The following CFAP299 variants were observed in gnomAD, a reference collection of about 807,000 sequenced individuals.
CFAP299 encodes cilia- and flagella-associated protein 299.
CFAP299 carries 21 observed loss-of-function variants against 27.0 expected under a neutral mutation model. The observed-to-expected ratio is 0.78, with a 90% CI of 0.55 to 1.12. CFAP299 has a LOEUF of 1.12. Among genes scored for constraint, CFAP299 ranks in the 50% most tolerant of loss-of-function variants. The pLI is 0.00. For missense variants in CFAP299, 310 were observed against 276.6 expected, an observed-to-expected ratio of 1.12 and a Z score of -0.86; for synonymous variants, 104 against 98.1, an observed-to-expected ratio of 1.06 and a Z score of -0.36.
intron 3 of CFAP299, among the ~76,000 whole-genome samples, chr4:80,631,719 TTAATC>T (rs777313268): frequency 6.6e-6 from 1 of 152,182 alleles, no homozygotes; most frequent in East Asian, 1.9e-4. Context: ...CTTTTTCTTT[TTAATC>T]TATGTCATCA....
intron 5 of CFAP299, among the ~76,000 whole-genome samples, chr4:80,950,801 A>C (rs1560490138): frequency 1.3e-5 from 2 of 152,180 alleles, no homozygotes; most frequent in African/African-American, 4.8e-5. Context: ...GGTACTTTTC[A>C]AAAATACCCT....
At chr4:80,503,635 A>G (rs1405359008) in intron 2 of CFAP299, among the ~76,000 whole-genome samples, 1 of 152,100 alleles carries the variant, frequency 6.6e-6, no homozygotes, top group Non-Finnish European at 1.5e-5. Flanking sequence ...TAAGGGTCAA[A>G]AGGCCTAGAA....
At chr4:80,427,986 G>A (rs1005341510) in intron 2 of CFAP299, among the ~76,000 whole-genome samples, 4 of 152,086 alleles carry the variant, frequency 2.6e-5, no homozygotes, top group Non-Finnish European at 4.4e-5. Flanking sequence ...GAACCATTGG[G>A]CGATTGTAAG....
intron 2 of CFAP299, among the ~76,000 whole-genome samples, chr4:80,413,206 T>C (rs913518983): frequency 6.6e-6 from 1 of 152,198 alleles, no homozygotes; most frequent in Non-Finnish European, 1.5e-5. Context: ...GCACAGCAAG[T>C]ACAGATCAAA....
intron 4 of CFAP299, among the ~76,000 whole-genome samples, chr4:80,884,797 A>G (rs781619938): frequency 1.4e-4 from 21 of 152,152 alleles, no homozygotes; most frequent in Non-Finnish European, 2.5e-4. Context: ...AGAACCCTGC[A>G]TCATTCATCA....
At chr4:80,407,289 T>G (rs529326942) in intron 2 of CFAP299, among the ~76,000 whole-genome samples, 8 of 152,322 alleles carry the variant, frequency 5.3e-5, no homozygotes, top group Non-Finnish European at 1.0e-4. Flanking sequence ...CCCAAAACTC[T>G]GTGGCTTAAA....
intron 2 of CFAP299, among the ~76,000 whole-genome samples, chr4:80,482,125 G>GAA (rs1192563816): frequency 6.6e-5 from 10 of 151,708 alleles, no homozygotes; most frequent in Non-Finnish European, 8.8e-5. Flanking sequence ...TTCTATCTGG[G>GAA]AATATAGAAT....
At chr4:80,957,956 AAT>A (rs1738149687) in intron 5 of CFAP299, among the ~76,000 whole-genome samples, 1 of 152,130 alleles carries the variant, frequency 6.6e-6, no homozygotes, top group African/African-American at 2.4e-5. Context: ...TTGCATTGTA[AAT>A]TCTAAGGCTA....
intron 3 of CFAP299, among the ~76,000 whole-genome samples, chr4:80,713,510 A>G (rs1478176032): frequency 1.3e-5 from 2 of 152,248 alleles, no homozygotes; most frequent in East Asian, 1.9e-4. Flanking sequence ...GACATCACCA[A>G]TAGCAACAAC....
intron 3 of CFAP299, among the ~76,000 whole-genome samples, chr4:80,674,373 G>C (rs1257906360): frequency 6.6e-6 from 1 of 152,138 alleles, no homozygotes; most frequent in East Asian, 1.9e-4. Context: ...GGCTTATAGA[G>C]TTTCTCCCAA....
At chr4:80,330,144 GTC>G in the CFAP299 span, among the ~76,000 whole-genome samples, 5 of 152,068 alleles carry the variant, frequency 3.3e-5, no homozygotes, top group South Asian at 1.0e-3. Flanking sequence ...CTTGAAATCA[GTC>G]TCTGGCTATA....
At chr4:80,742,968 G>C (rs1422885853) in intron 3 of CFAP299, among the ~76,000 whole-genome samples, 1 of 152,288 alleles carries the variant, frequency 6.6e-6, no homozygotes, top group African/African-American at 2.4e-5. Context: ...GTTAAGAAAA[G>C]GTGATTCAGA....
chr4:80,524,315 AG>A (rs1254723342), intron 2 of CFAP299, among the ~76,000 whole-genome samples: 1 of 151,972 alleles, frequency 6.6e-6, no homozygotes, highest in Non-Finnish European at 1.5e-5. Context: ...ATACAAATTA[AG>A]GGGTTTATGT....
intron 3 of CFAP299, among the ~76,000 whole-genome samples, chr4:80,795,138 G>T (rs1177144793): frequency 6.6e-6 from 1 of 152,118 alleles, no homozygotes; most frequent in Non-Finnish European, 1.5e-5. Context: ...TCACCCATTG[G>T]TGAGCACTCA....
chr4:80,326,990 G>C, the CFAP299 span, among the ~76,000 whole-genome samples: 2 of 151,996 alleles, frequency 1.3e-5, no homozygotes, highest in Non-Finnish European at 2.9e-5. Context: ...GTAGGTTCCA[G>C]GTGCTGTTAT....
intron 2 of CFAP299, among the ~76,000 whole-genome samples, chr4:80,420,904 T>C (rs1266620150): frequency 6.6e-6 from 1 of 152,168 alleles, no homozygotes; most frequent in Non-Finnish European, 1.5e-5. Context: ...CATATTTACT[T>C]TCACCAAAAT....
intron 3 of CFAP299, among the ~76,000 whole-genome samples, chr4:80,590,048 A>T (rs143616052): frequency 2.4e-4 from 36 of 152,296 alleles, no homozygotes; most frequent in Admixed American, 6.5e-4. Context: ...AATGTTCATA[A>T]ACATAAGAAC....
rs909383703 is a variant in CFAP299 at position 80,752,806 on chromosome 4, T to G, written c.334-117187T>G. Among the ~76,000 whole-genome samples, 248 of 152,204 alleles carry G rather than the reference T, an allele frequency of 1.6e-3. 1 individual carries two copies. The highest frequency in any genetic ancestry group is 5.7e-3 in the African/African-American group (236 of 41,556). ...ATATGGCCCCTTTAAATCTATTCTA[T>G]TGATTACACTAGGTTTTAAAATATA... is the stretch of plus-strand genomic sequence containing the variant. On this transcript the variant is annotated intron_variant, in intron 3 of 5. Coordinates refer to ENST00000358105, the MANE Select transcript of CFAP299 (RefSeq NM_152770.3).
At chr4:80,823,574 G>T (rs879796645) in intron 3 of CFAP299, among the ~76,000 whole-genome samples, 2 of 152,098 alleles carry the variant, frequency 1.3e-5, no homozygotes, top group Non-Finnish European at 2.9e-5. Flanking sequence ...TAGCTGAAAT[G>T]ATACTAAAGT....
Sources: allele counts gnomAD v4.1 joint callset (sites outside exome capture counted in the v4.1 genomes callset), GRCh38; gene constraint gnomAD v4.1.1; transcripts MANE v1.5; gene names NCBI Gene and HGNC (gene_info 2026-07-23, HGNC 2026-07-21).